Variants in GPHN observed in about 807,000 individuals in gnomAD.
GPHN encodes gephyrin.
Under a neutral mutation model 95.5 loss-of-function variants are expected in GPHN, and 17 were observed. That is an observed-to-expected ratio of 0.18 (90% CI 0.12 to 0.27). The LOEUF is 0.27. Ranked by LOEUF, GPHN falls within the 10% of genes least tolerant of loss-of-function variation. GPHN has a pLI of 1.00. For missense variants in GPHN, 660 were observed against 978.1 expected (o/e 0.67, Z 4.34); for synonymous variants, 320 against 322.5 (o/e 0.99, Z 0.08).
chr14:66,749,102 T>C (rs1015471425), intron 2 of GPHN, among the ~76,000 whole-genome samples: 4 of 151,954 alleles, frequency 2.6e-5, no homozygotes, highest in Admixed American at 6.6e-5. Flanking sequence ...GTTGGATTCT[T>C]ATAGTGTGTG....
chr14:66,812,748 A>G (rs1414383662), intron 3 of GPHN, among the ~76,000 whole-genome samples: 2 of 152,220 alleles, frequency 1.3e-5, no homozygotes, highest in Non-Finnish European at 1.5e-5. Context: ...AGCTCTATAA[A>G]GCAGGTTGAA....
the GPHN span, among the ~76,000 whole-genome samples, chr14:67,332,565 A>G: frequency 6.6e-6 from 1 of 152,204 alleles, no homozygotes; most frequent in Non-Finnish European, 1.5e-5. Context: ...AACAGGATAT[A>G]TTGAGTCCCA....
At chr14:67,684,136 G>C in the GPHN span, among the ~76,000 whole-genome samples, 1 of 151,630 alleles carries the variant, frequency 6.6e-6, no homozygotes, top group Admixed American at 6.6e-5. Flanking sequence ...CTAAAGCACA[G>C]ACCAGATTTT....
intron 1 of GPHN, among the ~76,000 whole-genome samples, chr14:66,567,564 G>T (rs528270064): frequency 2.0e-5 from 3 of 152,088 alleles, no homozygotes; most frequent in Non-Finnish European, 4.4e-5. Flanking sequence ...CAGCCACTTG[G>T]ATCTCTTATG....
At chr14:67,444,768 TTG>T in the GPHN span, among the ~76,000 whole-genome samples, 1 of 152,106 alleles carries the variant, frequency 6.6e-6, no homozygotes, top group South Asian at 2.1e-4. Context: ...AAACTCTTTT[TTG>T]TGTGTGTGTG....
At chr14:66,648,651 G>A (rs2064881963) in intron 1 of GPHN, among the ~76,000 whole-genome samples, 1 of 152,136 alleles carries the variant, frequency 6.6e-6, no homozygotes, top group African/African-American at 2.4e-5. Context: ...TGTAAGAATA[G>A]ACTGTGAGGT....
chr14:67,136,591 C>G (rs1479923847), intron 17 of GPHN, among the ~76,000 whole-genome samples: 1 of 152,112 alleles, frequency 6.6e-6, no homozygotes, highest in East Asian at 1.9e-4. Context: ...CTCCAAATGT[C>G]CTCATTTTAT....
the GPHN span, among the ~76,000 whole-genome samples, chr14:67,421,841 T>G: frequency 0.042 from 6,421 of 152,272 alleles, 747 homozygotes; most frequent in East Asian, 0.38. Context: ...TTATCTCCAC[T>G]GCCACTTCTC....
the GPHN span, chr14:67,575,482 A>G: frequency 1.3e-6 from 2 of 1,558,990 alleles, no homozygotes; most frequent in Non-Finnish European, 1.8e-6. Flanking sequence ...GGTACTTCTC[A>G]GCCTCCTCAC....
At chr14:66,622,728 G>A (rs760892074) in intron 1 of GPHN, among the ~76,000 whole-genome samples, 6 of 152,114 alleles carry the variant, frequency 3.9e-5, no homozygotes, top group Non-Finnish European at 7.4e-5. Flanking sequence ...CCAAAACATA[G>A]CAAGAGTCAC....
At chr14:66,930,385 A>C (rs1388954035) in intron 8 of GPHN, among the ~76,000 whole-genome samples, 1 of 152,156 alleles carries the variant, frequency 6.6e-6, no homozygotes, top group Admixed American at 6.5e-5. Context: ...TAAACCAATG[A>C]CAACTTAACT....
rs2062141440 is a variant in GPHN, at chr14:66,842,528, C to T, written c.294+17962C>T. On this transcript the variant is annotated intron_variant, in intron 4 of 22. Coordinates refer to ENST00000478722, the MANE Select transcript of GPHN (RefSeq NM_020806.5). ...GGGTGAGGGCTGCCTAAACTTTTCC[C>T]ATAACTCAGAAATGGTTTCATTCTG... is the stretch of plus-strand genomic sequence containing the variant. The T allele has an allele frequency of 2.5e-5, 15 of 598,468 alleles. 1 individual carries two copies. The South Asian group carries it at 3.3e-4, about 13-fold the overall frequency. 37.1% of individuals were successfully genotyped at this position (598,468 alleles called of 1,614,324 possible). A position where few individuals can be genotyped will look rare whatever the true frequency, so the allele number is the denominator to read the frequency against.
chr14:66,833,479 G>C (rs72728685), intron 4 of GPHN, among the ~76,000 whole-genome samples: 3 of 152,014 alleles, frequency 2.0e-5, no homozygotes, highest in Admixed American at 6.6e-5. Flanking sequence ...TATCACTGCC[G>C]TTATTCAGAG....
intron 4 of GPHN, among the ~76,000 whole-genome samples, chr14:66,850,025 C>A (rs1207563276): frequency 3.3e-5 from 5 of 151,924 alleles, no homozygotes; most frequent in Non-Finnish European, 5.9e-5. Context: ...TTAGTTTTTC[C>A]CTTTGTGAGA....
chr14:66,850,744 T>G (rs1288779764), intron 4 of GPHN, among the ~76,000 whole-genome samples: 1 of 152,068 alleles, frequency 6.6e-6, no homozygotes, highest in Non-Finnish European at 1.5e-5. Context: ...GGAAAAACCC[T>G]CATGACATAA....
the GPHN span, chr14:67,347,399 T>C: frequency 6.3e-7 from 1 of 1,595,210 alleles, no homozygotes. Flanking sequence ...ACAAAAAGTT[T>C]CACACTTACT....
At chr14:67,099,372 G>A (rs996695951) in intron 12 of GPHN, among the ~76,000 whole-genome samples, 15 of 151,810 alleles carry the variant, frequency 9.9e-5, no homozygotes, top group African/African-American at 3.1e-4. Context: ...CTGCCCGCCC[G>A]GGCCTCCCAA....
the GPHN span, among the ~76,000 whole-genome samples, chr14:67,207,989 G>T: frequency 6.6e-6 from 1 of 152,164 alleles, no homozygotes; most frequent in Non-Finnish European, 1.5e-5. Flanking sequence ...GGCTGCAGTG[G>T]CGCAGTCCCT....
At chr14:67,573,938 T>A in the GPHN span, 1 of 1,347,580 alleles carries the variant, frequency 7.4e-7, no homozygotes, top group Non-Finnish European at 1.1e-6. The surrounding 1 kb of genome is among the most constrained non-coding windows in gnomAD (Gnocchi z 4.8). Context: ...GTGCTGGGTT[T>A]GGATATGGCC....
Sources: allele counts gnomAD v4.1 joint callset (sites outside exome capture counted in the v4.1 genomes callset), GRCh38; gene constraint gnomAD v4.1.1; non-coding constraint Gnocchi (gnomAD v3.1); transcripts MANE v1.5; gene names NCBI Gene and HGNC (gene_info 2026-07-23, HGNC 2026-07-21).